Variants in OR7D2 observed in about 807,000 individuals in gnomAD.
OR7D2 encodes the protein olfactory receptor family 7 subfamily D member 2.
For synonymous variants in OR7D2, 158 were observed against 158.7 expected (o/e 1.00, Z 0.03); for missense variants, 370 against 384.1 (o/e 0.96, Z 0.31).
chr19:9,182,869 G>A (rs2051000968), intron 2 of OR7D2: 1 of 313,402 alleles, frequency 3.2e-6, no homozygotes. Context: ...CTCTAAAATG[G>A]ACCTCATCGG....
chr19:9,186,379 T>C lies in OR7D2; in HGVS notation c.598T>C (p.Tyr200His), dbSNP rs375997272. The C allele has an allele frequency of 7.4e-6, 12 of 1,614,002 alleles. No individual in the cohort carries two copies. The African/African-American group carries it at 1.5e-4, about 20-fold the overall frequency. Reference protein sequence around the residue: ...SDTFLNSTLIYFMTGVLGVFP... With the variant: ...SDTFLNSTLIHFMTGVLGVFP... Reference sequence around the variant, plus strand: ...TACCTTCCTGAACAGCACGTTGATATACTTTATGACGGGTGTGCTGGGCGT... The same window carrying C: ...TACCTTCCTGAACAGCACGTTGATACACTTTATGACGGGTGTGCTGGGCGT... Residue 200 changes from tyrosine (Y) to histidine (H), a missense_variant, in exon 3 of 3, where the codon TAC becomes CAC. Coordinates refer to ENST00000641288, the MANE Select transcript of OR7D2 (RefSeq NM_175883.4).
chr19:9,186,558 C>T lies in OR7D2; in HGVS notation c.777C>T (p.His259=), dbSNP rs978622761. 8.1e-6 allele frequency: 13 copies of T among 1,614,020 alleles called. No homozygotes were observed. The highest frequency in any genetic ancestry group is 1.0e-5 in the Non-Finnish European group (12 of 1,180,038). Reference sequence around the variant, plus strand: ...TTTATGGGACAGGCATTGGGGTCCACTTCACTTCTGCGGTGACTCACTCTT... The same window carrying T: ...TTTATGGGACAGGCATTGGGGTCCATTTCACTTCTGCGGTGACTCACTCTT... The part of the protein sequence containing the change: ...SLFYGTGIGV[H]FTSAVTHSSQ... The change falls in exon 3 of 3, where the codon CAC becomes CAT. Residue 259 remains histidine (H), a synonymous_variant. Transcript: ENST00000641288.
chr19:9,182,913 A>G (rs2051001370), intron 2 of OR7D2: 3 of 413,620 alleles, frequency 7.3e-6, no homozygotes, highest in African/African-American at 2.1e-5. Flanking sequence ...GGGCCACTCA[A>G]CATGGCTTTT....
chr19:9,180,047 G>A (rs1176789953), intron 1 of OR7D2, among the ~76,000 whole-genome samples: 2 of 151,824 alleles, frequency 1.3e-5, no homozygotes, highest in Middle Eastern at 3.4e-3. Context: ...AAACAAGTAT[G>A]TATTAAATGT....
Position 9,185,818 on chromosome 19 carries a change from A to G in OR7D2, c.37A>G (p.Ile13Val). Residue 13 changes from isoleucine to valine, a missense_variant, in exon 3 of 3, where the codon ATC (isoleucine) becomes GTC (valine). By Grantham distance (29) the Ile-to-Val change is conservative. Transcript: ENST00000641288. Reference sequence around the variant, plus strand: ...AAACCAAACAGGATTTTTAGAGTTTATCCTTCTCGGACTCTCTGAGGATCC... The same window carrying G: ...AAACCAAACAGGATTTTTAGAGTTTGTCCTTCTCGGACTCTCTGAGGATCC... ...AGNQTGFLEF[I>V]LLGLSEDPEL... The G allele has an allele frequency of 6.3e-7, 1 of 1,596,842 alleles. No homozygotes were observed.
chr19:9,180,963 A>C (rs1012089063), intron 2 of OR7D2, among the ~76,000 whole-genome samples, 175 bp downstream of exon 2: 1 of 152,004 alleles, frequency 6.6e-6, no homozygotes, highest in African/African-American at 2.4e-5. Context: ...TATCTCTATT[A>C]AAAATACAAA....
chr19:9,181,755 C>A (rs1333906642), intron 2 of OR7D2, among the ~76,000 whole-genome samples: 1 of 152,054 alleles, frequency 6.6e-6, no homozygotes, highest in African/African-American at 2.4e-5. Flanking sequence ...CCTGGCATTT[C>A]TTTGTATTTT....
chr19:9,180,476 T>C (rs1194764905), intron 1 of OR7D2, among the ~76,000 whole-genome samples: 1 of 152,186 alleles, frequency 6.6e-6, no homozygotes, highest in African/African-American at 2.4e-5. Context: ...TTTTCTGCCT[T>C]GCTCTATTCA....
intron 2 of OR7D2, among the ~76,000 whole-genome samples, chr19:9,181,532 A>G (rs112821286): frequency 0.3 from 43,778 of 144,240 alleles, 6,648 homozygotes; most frequent in Middle Eastern, 0.34. Flanking sequence ...ATAGCTCACT[A>G]CAGCCTCAAC....
In OR7D2 at chr19:9,185,818, A is replaced by T. The variant is rs774337888; in HGVS notation, c.37A>T (p.Ile13Phe). The change falls in exon 3 of 3, where the codon ATC (isoleucine) becomes TTC (phenylalanine). Residue 13 changes from isoleucine to phenylalanine, a missense_variant. Physicochemically the swap from Ile to Phe is conservative, Grantham distance 21. Coordinates refer to ENST00000641288, the MANE Select transcript of OR7D2 (RefSeq NM_175883.4). The stretch of plus-strand genomic sequence containing the variant: ...AAACCAAACAGGATTTTTAGAGTTT[A>T]TCCTTCTCGGACTCTCTGAGGATCC... ...AGNQTGFLEF[I>F]LLGLSEDPEL... 1.7e-5 allele frequency: 27 copies of T among 1,596,840 alleles called. No individual in the cohort carries two copies. In the South Asian group the frequency reaches 3.1e-4, roughly 18 times the overall value.
Position 9,186,589 on chromosome 19 carries a change from A to T in OR7D2, c.808A>T (p.Lys270Ter), listed in dbSNP as rs940399066. 2 of 1,613,988 alleles carry T rather than the reference A, an allele frequency of 1.2e-6. No individual in the cohort carries two copies. Among genetic ancestry groups the T allele is most frequent in the Admixed American group, 3.3e-5 (2 of 59,990 alleles). The change falls in exon 3 of 3, where the codon AAA becomes TAA. Residue 270 changes from lysine (K) to a stop codon, truncating the protein, a stop_gained. Coordinates refer to ENST00000641288, the MANE Select transcript of OR7D2 (RefSeq NM_175883.4). LOFTEE classifies it low-confidence loss of function (END_TRUNC). ...FTSAVTHSSQKISVASVMYTV... is the reference protein window; with the variant it reads ...FTSAVTHSSQ ...TTCTGCGGTGACTCACTCTTCCCAG[A>T]AAATCTCCGTGGCCTCGGTGATGTA...
intron 2 of OR7D2, chr19:9,182,785 T>G (rs1314782252): frequency 5.6e-6 from 1 of 177,434 alleles, no homozygotes; most frequent in Non-Finnish European, 1.2e-5. Flanking sequence ...CCTCCCAAAG[T>G]GCTGGGATTA....
rs2145983739 is a variant in OR7D2 at position 9,186,381 on chromosome 19, C to T, written c.600C>T (p.Tyr200=). The change falls in exon 3 of 3, where the codon TAC becomes TAT. Residue 200 remains tyrosine (Y), a synonymous_variant. Transcript: ENST00000641288. The stretch of plus-strand genomic sequence containing the variant: ...CCTTCCTGAACAGCACGTTGATATA[C>T]TTTATGACGGGTGTGCTGGGCGTTT... ...SDTFLNSTLI[Y]FMTGVLGVFP... 6.2e-7 allele frequency: 1 copy of T among 1,614,078 alleles called. No individual in the cohort carries two copies. The highest frequency in any genetic ancestry group is 1.1e-5 in the South Asian group (1 of 91,058).
intron 2 of OR7D2, 66 bp from the exon 3 acceptor site, chr19:9,185,703 C>A (rs2051025104): frequency 1.0e-6 from 1 of 972,364 alleles, no homozygotes; most frequent in Non-Finnish European, 1.5e-6. Flanking sequence ...TCCATCTCAG[C>A]CTCCCGAGTA....
At chr19:9,183,199 C>T (rs932355630) in intron 2 of OR7D2, among the ~76,000 whole-genome samples, 14 of 152,156 alleles carry the variant, frequency 9.2e-5, no homozygotes, top group African/African-American at 2.4e-4. Context: ...TGCCTGCTCC[C>T]GTGGGTGGGT....
In OR7D2 at chr19:9,186,920, A is replaced by G; in HGVS notation, c.*200A>G. The G allele has an allele frequency of 2.2e-6, 1 of 455,282 alleles. No homozygotes were observed. Among genetic ancestry groups the G allele is most frequent in the Middle Eastern group, 5.9e-4 (1 of 1,692 alleles). The allele number at this position is 455,282 out of a possible 1,614,324, so 28.2% of individuals were successfully genotyped here. A position where few individuals can be genotyped will look rare whatever the true frequency, so the allele number is the denominator to read the frequency against. ...ATTACCTGAATAGTGAACATAAGGC[A>G]CTTTTTTTTCTTTTTTGAGACGGAG... On this transcript the variant is annotated 3_prime_UTR_variant, in exon 3 of 3. Transcript: ENST00000641288.
chr19:9,182,855 ATC>A, intron 2 of OR7D2: 1 of 271,902 alleles, frequency 3.7e-6, no homozygotes. Flanking sequence ...ATGTGAAGGG[ATC>A]TCTCTAAAAT....
chr19:9,184,274 C>G (rs532716551), intron 2 of OR7D2, among the ~76,000 whole-genome samples: 1 of 151,834 alleles, frequency 6.6e-6, no homozygotes, highest in Non-Finnish European at 1.5e-5. Context: ...ATTAGCTAGG[C>G]GTGGTGGCAC....
At position 9,187,078 on chromosome 19, in the gene OR7D2, C is replaced by G. The variant is rs76585702; in HGVS notation, c.*358C>G. On this transcript the variant is annotated 3_prime_UTR_variant, in exon 3 of 3. Coordinates refer to ENST00000641288, the MANE Select transcript of OR7D2 (RefSeq NM_175883.4). ...AGATTACAGGTGTGTGCCACCCATG[C>G]CTTTTAGTAGAGACGGGGTTTCACC... 879 of 165,908 alleles carry G rather than the reference C, an allele frequency of 5.3e-3. 15 individuals are homozygous for G. The East Asian group carries it at 0.071, about 13-fold the overall frequency. 10.3% of individuals were successfully genotyped at this position (165,908 alleles called of 1,614,324 possible).
Sources: gnomAD v4.1 joint callset for allele counts (sites outside exome capture counted in the v4.1 genomes callset) on GRCh38, gnomAD v4.1.1 for gene constraint, MANE v1.5 for transcripts, NCBI Gene and HGNC (gene_info 2026-07-23, HGNC 2026-07-21) for gene names.